The following P2RX6 variants were observed in gnomAD, a reference collection of about 807,000 sequenced individuals.
P2RX6 encodes P2X purinoceptor 6.
Under a neutral mutation model 54.2 loss-of-function variants are expected in P2RX6, and 62 were observed. The ratio of observed to expected loss-of-function variants is 1.14; its 90% confidence interval spans 0.93 to 1.41. P2RX6 has a LOEUF of 1.41. Ranked by LOEUF, P2RX6 falls within the 40% of genes most tolerant of loss-of-function variation. P2RX6 has a pLI of 0.00. For missense variants in P2RX6, 541 were observed against 566.3 expected, an observed-to-expected ratio of 0.96 and a Z score of 0.45; for synonymous variants, 211 against 231.9, an observed-to-expected ratio of 0.91 and a Z score of 0.82.
upstream of P2RX6, among the ~76,000 whole-genome samples, chr22:21,011,767 C>T (rs548668305): frequency 1.5e-4 from 23 of 152,210 alleles, no homozygotes; most frequent in South Asian, 4.6e-3. Context: ...CCCCTCTGCC[C>T]CTGACCTCCC....
At position 21,027,657 on chromosome 22, in the gene P2RX6, G is replaced by A. The variant is rs533113673; in HGVS notation, c.*1040G>A. 6.6e-6 allele frequency: 1 copy of A among 152,264 alleles called. No homozygotes were observed. Among genetic ancestry groups the A allele is most frequent in the East Asian group, 1.9e-4 (1 of 5,190 alleles). 9.4% of individuals were successfully genotyped at this position (152,264 alleles called of 1,614,324 possible). ...CTGGAATTCTCCTCTTGGTCCCAGG[G>A]CGGGGCAGGGAATTCTAAGTGTCCA... On this transcript the variant is annotated 3_prime_UTR_variant, in exon 12 of 12. Transcript: ENST00000413302.
intron 8 of P2RX6, among the ~76,000 whole-genome samples, chr22:21,025,492 G>A (rs988863530): frequency 1.3e-5 from 2 of 152,116 alleles, no homozygotes; most frequent in Non-Finnish European, 2.9e-5. Flanking sequence ...GTCTACCCCA[G>A]TTCCCAGGGA....
intron 3 of P2RX6, among the ~76,000 whole-genome samples, chr22:21,022,118 A>G (rs1010608630): frequency 1.1e-4 from 16 of 152,226 alleles, no homozygotes; most frequent in Admixed American, 5.9e-4. Flanking sequence ...CTGTAATCCC[A>G]GCACTCTGGG....
intron 3 of P2RX6, among the ~76,000 whole-genome samples, chr22:21,021,860 T>A (rs1927461889): frequency 6.6e-6 from 1 of 151,616 alleles, no homozygotes; most frequent in African/African-American, 2.4e-5. Flanking sequence ...CAGGAAGGAG[T>A]AGCCTGTGGT....
chr22:21,015,236 G>A lies in P2RX6; in HGVS notation c.62G>A (p.Gly21Glu). 1 of 1,538,210 alleles carries A rather than the reference G, an allele frequency of 6.5e-7. No individual in the cohort carries two copies. Among genetic ancestry groups the A allele is most frequent in the Non-Finnish European group, 8.7e-7 (1 of 1,153,190 alleles). The change falls in exon 1 of 12, where the codon GGG (glycine) becomes GAG (glutamate). Residue 21 changes from glycine to glutamate, a missense_variant. Gly to Glu is a moderately conservative substitution (Grantham distance 98, BLOSUM62 -2). Transcript: ENST00000413302. ...TCCCCAGGGGCTACGACAGGCTGGG[G>A]GCTTCTGGATTATAAGACGGAGAAG... ...MGSPGATTGW[G>E]LLDYKTEKYV...
chr22:21,015,831 T>C (rs1309826256), intron 1 of P2RX6, 111 bp from the exon 2 acceptor site: 4 of 1,150,772 alleles, frequency 3.5e-6, no homozygotes, highest in Non-Finnish European at 4.9e-6. Context: ...CCTTCGATGT[T>C]GGGCCGGGAG....
chr22:21,026,704 TG>T lies in P2RX6; in HGVS notation c.*92del, dbSNP rs1283100731. 6.7e-7 allele frequency: 1 copy of T among 1,493,284 alleles called. No individual in the cohort carries two copies. The highest frequency in any genetic ancestry group is 1.4e-5 in the African/African-American group (1 of 71,820). 92.5% of individuals were successfully genotyped at this position (1,493,284 alleles called of 1,614,324 possible). A position where few individuals can be genotyped will look rare whatever the true frequency, so the allele number is the denominator to read the frequency against. ...AGGATGAGGCCCCAGCATGGAGGAT[TG>T]GGGGTAGAATTCCACCCTTGAACCC... On this transcript the variant is annotated 3_prime_UTR_variant, in exon 12 of 12. Transcript: ENST00000413302. The surrounding 1 kb of genome is among the most constrained non-coding windows in gnomAD (Gnocchi z 4.0).
At position 21,023,537 on chromosome 22, in the gene P2RX6, G is replaced by A. The variant is rs753605815; in HGVS notation, c.809G>A (p.Trp270Ter). The change falls in exon 8 of 12, where the codon TGG becomes TAG. Residue 270 changes from tryptophan (W) to a stop codon, truncating the protein, a stop_gained. Transcript: ENST00000413302. LOFTEE classifies it high-confidence loss of function. ...LGGSVGIRVHWDCDLDTGDSG... is the reference protein window; with the variant it reads ...LGGSVGIRVH ...GGCTCTGTAGGCATCAGAGTTCACT[G>A]GGATTGTGACCTGGACACCGGGGAC... 1 of 1,613,834 alleles carries A rather than the reference G, an allele frequency of 6.2e-7. No homozygotes were observed. The highest frequency in any genetic ancestry group is 1.1e-5 in the South Asian group (1 of 91,050).
At chr22:21,024,878 GTTTTT>G (rs562371289) in intron 8 of P2RX6, among the ~76,000 whole-genome samples, 3 of 110,758 alleles carry the variant, frequency 2.7e-5, no homozygotes, top group African/African-American at 7.0e-5. Context: ...TTTTTTTTGT[GTTTTT>G]TTTTTTTTTT....
chr22:21,023,549 T>G lies in P2RX6; in HGVS notation c.821T>G (p.Leu274Arg), dbSNP rs2090120230. 2 of 1,613,710 alleles carry G rather than the reference T, an allele frequency of 1.2e-6. No homozygotes were observed. Among genetic ancestry groups the G allele is most frequent in the Non-Finnish European group, 1.7e-6 (2 of 1,179,830 alleles). Residue 274 changes from leucine to arginine, a missense_variant, in exon 8 of 12, where the codon CTG becomes CGG. Around this residue, in one of 2 missense-constraint regions of P2RX6, gnomAD observed 526 missense variants for 531.5 expected, o/e 0.99. Transcript: ENST00000413302. ...ATCAGAGTTCACTGGGATTGTGACC[T>G]GGACACCGGGGACTCTGGCTGCTGG... is the stretch of plus-strand genomic sequence containing the variant. ...VGIRVHWDCD[L>R]DTGDSGCWPH...
intron 3 of P2RX6, among the ~76,000 whole-genome samples, chr22:21,020,975 G>A (rs528004315): frequency 6.6e-6 from 1 of 152,100 alleles, no homozygotes. Flanking sequence ...GGTGGGTAAA[G>A]GCCCTGAGCT....
At chr22:21,022,640 C>G (rs760071885) in intron 3 of P2RX6, 36 bp from the exon 4 acceptor site, 2 of 1,454,008 alleles carry the variant, frequency 1.4e-6, no homozygotes, top group Non-Finnish European at 1.8e-6. Context: ...GAGACATCCC[C>G]TGTGCCATTG....
At chr22:21,015,051 G>A, upstream of P2RX6, 2 of 568,234 alleles carry the variant, frequency 3.5e-6, no homozygotes, top group Non-Finnish European at 5.9e-6. Flanking sequence ...TGAGGGCTGG[G>A]TGTTGGAGGC....
At position 21,015,394 on chromosome 22, in the gene P2RX6, G is replaced by A; in HGVS notation, c.164+56G>A. On this transcript the variant is annotated intron_variant, in intron 1 of 11. Coordinates refer to ENST00000413302, the MANE Select transcript of P2RX6 (RefSeq NM_005446.5). ...AGGGGCAAGGGAAGAGGTGGGGGGT[G>A]GGGCTTGGTCCTGCTGGGTTGAAGT... is the stretch of plus-strand genomic sequence containing the variant. 2.0e-6 allele frequency: 3 copies of A among 1,509,398 alleles called. No homozygotes were observed. The Admixed American group carries it at 7.5e-5, about 38-fold the overall frequency. 93.5% of individuals were successfully genotyped at this position (1,509,398 alleles called of 1,614,324 possible).
At position 21,025,372 on chromosome 22, in the gene P2RX6, G is replaced by A. The variant is rs373466113; in HGVS notation, c.891-433G>A. ...GCTTCCCCAACCTCCCCAGCCCTTC[G>A]AAACCACGTGGGGCTGGCTCCCACC... On this transcript the variant is annotated intron_variant, in intron 8 of 11. Transcript: ENST00000413302. Among the ~76,000 whole-genome samples the A allele has an allele frequency of 2.1e-3, 314 of 152,078 alleles. 13 individuals carry two copies. The South Asian group carries it at 0.06, about 29-fold the overall frequency.
At chr22:21,024,134 TGGTA>T (rs545235658) in intron 8 of P2RX6, among the ~76,000 whole-genome samples, 1 of 70,450 alleles carries the variant, frequency 1.4e-5, no homozygotes, top group African/African-American at 7.1e-5. Context: ...TTTTATATTT[TGGTA>T]GATAGAGATG....
chr22:21,017,849 G>A, intron 2 of P2RX6, 140 bp from the exon 3 acceptor site: 1 of 708,860 alleles, frequency 1.4e-6, no homozygotes, highest in Non-Finnish European at 2.6e-6. Context: ...TCCCATCTCT[G>A]CTTCAGTCTG....
In P2RX6 at chr22:21,026,638, G is replaced by T; in HGVS notation, c.*21G>T. On this transcript the variant is annotated 3_prime_UTR_variant, in exon 12 of 12. Transcript: ENST00000413302. This position sits in a 1 kb window ranked among gnomAD's most constrained non-coding sequence, Gnocchi z 4.0. ...TGTAGCCGTTCCCTGCTGGTTGAGA[G>T]TTGGGGGCTGGGAAGGGCGGGGCCC... 1 of 1,561,510 alleles carries T rather than the reference G, an allele frequency of 6.4e-7. No homozygotes were observed.
At chr22:21,020,171 C>T (rs749800558) in intron 3 of P2RX6, among the ~76,000 whole-genome samples, 8 of 152,284 alleles carry the variant, frequency 5.3e-5, no homozygotes, top group Admixed American at 2.6e-4. Flanking sequence ...GTTTGTAGAC[C>T]GTTCTGAAAT....
Sources: allele counts gnomAD v4.1 joint callset (sites outside exome capture counted in the v4.1 genomes callset), GRCh38; gene constraint gnomAD v4.1.1; regional missense constraint gnomAD v4.1.1; non-coding constraint Gnocchi (gnomAD v3.1); transcripts MANE v1.5; gene names NCBI Gene and HGNC (gene_info 2026-07-23, HGNC 2026-07-21).